UNC80: variants seen among roughly 807,000 people sequenced by gnomAD.
UNC80 encodes the protein protein unc-80 homolog.
Under a neutral mutation model 384.6 loss-of-function variants are expected in UNC80, and 164 were observed. That is an observed-to-expected ratio of 0.43 (90% CI 0.38 to 0.49). The LOEUF is 0.49. Among genes scored for constraint, UNC80 ranks in the 20% least tolerant of loss-of-function variants. The probability of loss-of-function intolerance (pLI) is 0.00; values close to 1 mark genes in which losing one functional copy is unlikely to be tolerated. For missense variants in UNC80, 3,330 were observed against 4,143.0 expected, an observed-to-expected ratio of 0.80 and a Z score of 5.39; for synonymous variants, 1,486 against 1,527.8, an observed-to-expected ratio of 0.97 and a Z score of 0.64.
At chr2:209,923,830 A>G (rs533873599) in intron 35 of UNC80, among the ~76,000 whole-genome samples, 19 of 152,256 alleles carry the variant, frequency 1.2e-4, no homozygotes, top group African/African-American at 4.3e-4. Flanking sequence ...TCTCTTAAAC[A>G]TAACAGTTGA....
chr2:209,973,323 T>C, intron 56 of UNC80, 53 bp downstream of exon 56: 2 of 1,437,524 alleles, frequency 1.4e-6, no homozygotes, highest in Non-Finnish European at 1.9e-6. Flanking sequence ...TGTATATGTA[T>C]GTGAAAATAT....
rs754186218 is a variant in UNC80 at position 209,939,530 on chromosome 2, A to G, written c.6524A>G (p.Gln2175Arg). The G allele has an allele frequency of 8.4e-6, 13 of 1,551,488 alleles. No homozygotes were observed. The highest frequency in any genetic ancestry group is 4.8e-5 in the South Asian group (4 of 84,048). ...GTGTTGTTTCTCATCTCCCTAACCC[A>G]GAAGATCCCCACAGCCCACAAACAG... ...GRVLFLISLT[Q>R]KIPTAHKQSH... Residue 2175 changes from glutamine (Q) to arginine (R), a missense_variant, in exon 43 of 65, where the codon CAG becomes CGG. Gln to Arg is a conservative substitution (Grantham distance 43). Coordinates refer to ENST00000673920, the MANE Select transcript of UNC80 (RefSeq NM_001371986.1).
chr2:209,857,654 G>T (rs766225048), intron 22 of UNC80, among the ~76,000 whole-genome samples: 2 of 151,826 alleles, frequency 1.3e-5, no homozygotes, highest in Non-Finnish European at 2.9e-5. Flanking sequence ...TTAGTTCATT[G>T]ATATTCTTTT....
chr2:209,850,046 A>C (rs1053989058), intron 22 of UNC80, among the ~76,000 whole-genome samples: 6 of 152,102 alleles, frequency 3.9e-5, no homozygotes, highest in Non-Finnish European at 7.4e-5. Context: ...TATTGGTCTT[A>C]TGTCTGCCAT....
rs1257386183 is a variant in UNC80 at position 209,933,899 on chromosome 2, G to C, written c.6072G>C (p.Leu2024=). 1 of 1,551,334 alleles carries C rather than the reference G, an allele frequency of 6.4e-7. No individual in the cohort carries two copies. The highest frequency in any genetic ancestry group is 2.4e-5 in the East Asian group (1 of 40,908). ...MDAISATLTF[L]WEVVGYVEGL... ...CCATTTCAGCCACCCTGACATTCCT[G>C]TGGGAGGTGGTGGGTTACGTGGAGG... The change falls in exon 39 of 65, where the codon CTG becomes CTC. Residue 2024 remains leucine (L), a synonymous_variant. Transcript: ENST00000673920.
chr2:209,807,216 A>G (rs1469360788), intron 7 of UNC80, among the ~76,000 whole-genome samples: 3 of 152,300 alleles, frequency 2.0e-5, no homozygotes, highest in Admixed American at 1.3e-4. Context: ...TTATTTTTAC[A>G]TATATCATTT....
At chr2:209,823,641 ATAAT>A (rs1312284854) in intron 13 of UNC80, among the ~76,000 whole-genome samples, 4 of 151,932 alleles carry the variant, frequency 2.6e-5, no homozygotes, top group Non-Finnish European at 5.9e-5. Context: ...ACACATAAAA[ATAAT>A]TAATTTTATC....
intron 54 of UNC80, 51 bp from the exon 55 acceptor site, chr2:209,972,147 ATAC>A: frequency 6.5e-7 from 1 of 1,533,032 alleles, no homozygotes; most frequent in Non-Finnish European, 8.8e-7. Flanking sequence ...AAAAACAAAC[ATAC>A]TAAATGGGTG....
At chr2:209,840,940 C>A (rs573192468) in intron 20 of UNC80, among the ~76,000 whole-genome samples, 54 of 152,224 alleles carry the variant, frequency 3.5e-4, no homozygotes, top group Non-Finnish European at 6.9e-4. Flanking sequence ...TTTAACACAC[C>A]TATGAAATGA....
In UNC80 at chr2:209,929,881, G is replaced by T. The variant is rs770275824; in HGVS notation, c.5817G>T (p.Val1939=). 6.5e-7 allele frequency: 1 copy of T among 1,528,090 alleles called. No individual in the cohort carries two copies. The allele number at this position is 1,528,090 out of a possible 1,614,324, so 94.7% of individuals were successfully genotyped here. Residue 1939 remains valine (V), a synonymous_variant, in exon 37 of 65, where the codon GTG becomes GTT. Coordinates refer to ENST00000673920, the MANE Select transcript of UNC80 (RefSeq NM_001371986.1). ...CTTTCTCTTCTGAAGTGAGTGCTGT[G>T]GCTCAACAAGTCTTATGGAACTGTC... ...VREDGVAVSA[V]AQQVLWNCLI... is the part of the protein sequence containing the mutation.
chr2:209,892,459 A>G (rs1444310345), intron 26 of UNC80, among the ~76,000 whole-genome samples: 1 of 152,180 alleles, frequency 6.6e-6, no homozygotes, highest in East Asian at 1.9e-4. Flanking sequence ...CTCCTTGTAA[A>G]TAACCAGTGC....
chr2:209,936,477 T>G (rs2091253107), intron 40 of UNC80, among the ~76,000 whole-genome samples: 1 of 152,226 alleles, frequency 6.6e-6, no homozygotes, highest in African/African-American at 2.4e-5. Flanking sequence ...TAGGTGCCAC[T>G]GTTCCTCCAC....
intron 47 of UNC80, among the ~76,000 whole-genome samples, chr2:209,951,874 T>C (rs1031245763): frequency 2.0e-5 from 3 of 152,172 alleles, no homozygotes; most frequent in Non-Finnish European, 2.9e-5. Context: ...ATGTCTCTTA[T>C]GTTCTTTCCT....
intron 5 of UNC80, 23 bp downstream of exon 5, chr2:209,786,212 A>G (rs747303271): frequency 4.3e-6 from 7 of 1,611,640 alleles, no homozygotes; most frequent in East Asian, 2.2e-5. Context: ...GACACTCAGT[A>G]GGACAGTATT....
intron 29 of UNC80, among the ~76,000 whole-genome samples, chr2:209,907,726 T>C (rs1175081413): frequency 1.3e-5 from 2 of 152,208 alleles, no homozygotes; most frequent in Non-Finnish European, 2.9e-5. Flanking sequence ...ATAAGCTTTT[T>C]GAGAACTGAG....
At chr2:209,943,124 C>T (rs1319548537) in intron 44 of UNC80, among the ~76,000 whole-genome samples, 1 of 152,186 alleles carries the variant, frequency 6.6e-6, no homozygotes, top group African/African-American at 2.4e-5. Flanking sequence ...CATGTTTATA[C>T]ATGTGTCTAG....
At position 209,872,621 on chromosome 2, in the gene UNC80, C is replaced by T; in HGVS notation, c.3628-137C>T. ...ACTGTGTTGGCCATACTGACACCAC[C>T]CTGGGAAATATGGCCAATATAAATC... On this transcript the variant is annotated intron_variant, in intron 22 of 64. Transcript: ENST00000673920. The surrounding 1 kb of genome is among the most constrained non-coding windows in gnomAD (Gnocchi z 4.1). The T allele has an allele frequency of 2.4e-6, 2 of 819,302 alleles. No homozygotes were observed. Among genetic ancestry groups the T allele is most frequent in the Non-Finnish European group, 1.9e-6 (1 of 520,254 alleles). 50.8% of individuals were successfully genotyped at this position (819,302 alleles called of 1,614,324 possible).
chr2:209,810,716 C>G (rs754103974), intron 7 of UNC80, among the ~76,000 whole-genome samples: 1 of 152,196 alleles, frequency 6.6e-6, no homozygotes, highest in Middle Eastern at 3.4e-3. Context: ...CAGAGGGTAA[C>G]GGGTGAAGAA....
chr2:209,797,987 G>T (rs1437287350), intron 7 of UNC80, among the ~76,000 whole-genome samples: 1 of 151,898 alleles, frequency 6.6e-6, no homozygotes, highest in Non-Finnish European at 1.5e-5. Context: ...CATATCCTTT[G>T]CCCACTTTTT....
Sources: allele counts gnomAD v4.1 joint callset (sites outside exome capture counted in the v4.1 genomes callset), GRCh38; gene constraint gnomAD v4.1.1; non-coding constraint Gnocchi (gnomAD v3.1); transcripts MANE v1.5; gene names NCBI Gene and HGNC (gene_info 2026-07-23, HGNC 2026-07-21).